Variants in COP1 observed in about 807,000 individuals in gnomAD.
The protein encoded by COP1 is COP1 E3 ubiquitin ligase.
In COP1, 24 loss-of-function variants were observed where a neutral mutation model predicts 101.3. That is an observed-to-expected ratio of 0.24 (90% confidence interval 0.17 to 0.33). The LOEUF (loss-of-function observed/expected upper bound fraction) is 0.33. COP1 is among the 10% of genes least tolerant of loss of function. The probability of loss-of-function intolerance (pLI) is 1.00; values close to 1 mark genes in which losing one functional copy is unlikely to be tolerated. For missense variants in COP1, 663 were observed against 906.2 expected (o/e 0.73, Z 3.45); for synonymous variants, 347 against 341.9 (o/e 1.01, Z -0.17).
intron 18 of COP1, among the ~76,000 whole-genome samples, chr1:175,975,934 A>G (rs945600983): frequency 2.6e-5 from 4 of 152,210 alleles, no homozygotes; most frequent in African/African-American, 9.6e-5. Flanking sequence ...ACCAGTAAGA[A>G]CAGTGAGATC....
At chr1:175,950,846 T>C (rs1649801205) in intron 18 of COP1, among the ~76,000 whole-genome samples, 1 of 152,240 alleles carries the variant, frequency 6.6e-6, no homozygotes, top group East Asian at 1.9e-4. Context: ...CACTAACTTA[T>C]ACCAAAACAT....
chr1:176,105,902 G>A lies in COP1; in HGVS notation c.1026+10722C>T, dbSNP rs149840975. 2.6e-3 allele frequency among the ~76,000 whole-genome samples: 400 copies of A among 152,320 alleles called. 3 individuals are homozygous for A. The highest frequency in any genetic ancestry group is 9.2e-3 in the African/African-American group (382 of 41,568). ...ACCACCTTTGCAAAATTATGACTAA[G>A]ACAGTGAAAGAGATCTAACCTAACT... On this transcript the variant is annotated intron_variant, in intron 9 of 19. Coordinates refer to ENST00000367669, the MANE Select transcript of COP1 (RefSeq NM_022457.7).
chr1:176,012,888 G>A (rs1439134189), intron 15 of COP1, among the ~76,000 whole-genome samples: 1 of 152,068 alleles, frequency 6.6e-6, no homozygotes, highest in Non-Finnish European at 1.5e-5. Context: ...AAAATCTAAT[G>A]ACACATTTCT....
intron 10 of COP1, among the ~76,000 whole-genome samples, chr1:176,082,802 T>A (rs1377932898): frequency 4.0e-5 from 6 of 148,462 alleles, no homozygotes; most frequent in Admixed American, 2.7e-4. Context: ...CAAAACTCCA[T>A]CTCAAAAAAA....
chr1:176,103,278 GGA>G (rs1683724501), intron 9 of COP1, among the ~76,000 whole-genome samples: 1 of 152,172 alleles, frequency 6.6e-6, no homozygotes, highest in Non-Finnish European at 1.5e-5. Flanking sequence ...CAAAGCCTTA[GGA>G]TAAGGCTGGT....
intron 14 of COP1, among the ~76,000 whole-genome samples, chr1:176,040,977 C>T (rs1053005234): frequency 2.0e-5 from 3 of 151,630 alleles, no homozygotes; most frequent in Admixed American, 6.6e-5. Flanking sequence ...ACCAAAACAG[C>T]ACATTAAGGA....
chr1:176,189,413 AT>A (rs922574009), intron 1 of COP1, among the ~76,000 whole-genome samples: 1 of 151,792 alleles, frequency 6.6e-6, no homozygotes, highest in African/African-American at 2.4e-5. Context: ...TTTGTTTCTC[AT>A]TTTTTAGTGA....
chr1:176,169,320 ATATT>A (rs767764671), intron 3 of COP1, among the ~76,000 whole-genome samples: 18 of 152,210 alleles, frequency 1.2e-4, no homozygotes, highest in Non-Finnish European at 2.4e-4. Flanking sequence ...ATTATGTGTA[ATATT>A]TATTTGTTTG....
intron 10 of COP1, among the ~76,000 whole-genome samples, chr1:176,083,441 A>AG (rs146313962): frequency 0.069 from 10,574 of 152,254 alleles, 459 homozygotes; most frequent in Non-Finnish European, 0.087. Context: ...TCAGTATCTG[A>AG]AAGTATAGTA....
chr1:176,063,995 T>C (rs1675450356), intron 11 of COP1, among the ~76,000 whole-genome samples: 1 of 152,222 alleles, frequency 6.6e-6, no homozygotes, highest in Admixed American at 6.5e-5. Context: ...CTTTGATGTC[T>C]GAAAATATGA....
At chr1:176,068,178 A>G (rs1487610255) in intron 11 of COP1, among the ~76,000 whole-genome samples, 1 of 152,214 alleles carries the variant, frequency 6.6e-6, no homozygotes, top group Non-Finnish European at 1.5e-5. Flanking sequence ...AATTAAAAAT[A>G]TAAATATTTC....
At chr1:176,184,523 G>C in intron 2 of COP1, 110 bp downstream of exon 2, 1 of 795,796 alleles carries the variant, frequency 1.3e-6, no homozygotes, top group South Asian at 1.9e-5. Context: ...AAAAAAATAT[G>C]ACTGTAACAT....
chr1:176,007,887 T>G (rs185716177), intron 15 of COP1, among the ~76,000 whole-genome samples: 1 of 152,240 alleles, frequency 6.6e-6, no homozygotes, highest in East Asian at 1.9e-4. Flanking sequence ...TCCAGCTTCC[T>G]GGCTGCTTTG....
intron 15 of COP1, among the ~76,000 whole-genome samples, chr1:175,991,976 A>G (rs150315826): frequency 1.3e-5 from 2 of 152,366 alleles, no homozygotes; most frequent in Non-Finnish European, 1.5e-5. Flanking sequence ...ACAGTCTATA[A>G]TAATGGTAAA....
intron 1 of COP1, among the ~76,000 whole-genome samples, chr1:176,204,674 A>C (rs1033994690): frequency 6.6e-6 from 1 of 152,210 alleles, no homozygotes; most frequent in Non-Finnish European, 1.5e-5. Context: ...AATCCCTCCC[A>C]GCACCTTGGG....
At position 176,204,558 on chromosome 1, in the gene COP1, CATTA is replaced by C. The variant is rs370227305; in HGVS notation, c.407+2010_407+2013del. 2.6e-3 allele frequency among the ~76,000 whole-genome samples: 398 copies of C among 152,282 alleles called. 3 individuals carry two copies. The highest frequency in any genetic ancestry group is 9.1e-3 in the African/African-American group (380 of 41,554). ...TGGCTTGAGTTTTAAATCAGATTCT[CATTA>C]ATTAATTCTTCTGAATATTAAACCT... is the stretch of plus-strand genomic sequence containing the variant. On this transcript the variant is annotated intron_variant, in intron 1 of 19. Transcript: ENST00000367669.
intron 14 of COP1, 51 bp downstream of exon 14, chr1:176,043,135 G>C (rs1382119645): frequency 9.0e-7 from 1 of 1,108,050 alleles, no homozygotes; most frequent in Non-Finnish European, 1.4e-6. Flanking sequence ...AGGAATTACA[G>C]TTAAGAGGGC....
rs371308414 is a variant in COP1 at position 175,965,755 on chromosome 1, A to AT, written c.2134-18517dup. Among the ~76,000 whole-genome samples, 399 of 151,970 alleles carry AT rather than the reference A, an allele frequency of 2.6e-3. 3 individuals carry two copies. Among genetic ancestry groups the AT allele is most frequent in the African/African-American group, 9.2e-3 (381 of 41,424 alleles). On this transcript the variant is annotated intron_variant, in intron 18 of 19. Transcript: ENST00000367669. ...ATGTGCGTGCCACCAAACCCAGCTAATTTTTGTATTTGGAGACGGGGTTTC... is the reference window on the plus strand; with the variant it reads ...ATGTGCGTGCCACCAAACCCAGCTAATTTTTTGTATTTGGAGACGGGGTTTC...
intron 1 of COP1, among the ~76,000 whole-genome samples, chr1:176,202,614 C>T (rs962575481): frequency 7.2e-5 from 11 of 151,782 alleles, no homozygotes; most frequent in Admixed American, 2.6e-4. Flanking sequence ...ATGAAGATTG[C>T]TTGAGCCCAG....
Sources: allele counts gnomAD v4.1 joint callset (sites outside exome capture counted in the v4.1 genomes callset), GRCh38; gene constraint gnomAD v4.1.1; transcripts MANE v1.5; gene names NCBI Gene and HGNC (gene_info 2026-07-23, HGNC 2026-07-21).